Variants in RBFOX1 observed in about 807,000 individuals in gnomAD.
The protein encoded by RBFOX1 is RNA binding fox-1 homolog 1.
RBFOX1 carries 8 observed loss-of-function variants against 57.7 expected under a neutral mutation model. The observed-to-expected ratio is 0.14, with a 90% confidence interval of 0.08 to 0.25. The LOEUF (loss-of-function observed/expected upper bound fraction) is 0.25, where lower values mean the gene tolerates loss of function less well. Among genes scored for constraint, RBFOX1 ranks in the 10% least tolerant of loss-of-function variants. The pLI, the probability that RBFOX1 is intolerant of heterozygous loss-of-function variation, is 1.00. For synonymous variants in RBFOX1, 326 were observed against 222.4 expected (o/e 1.47, Z -4.15); for missense variants, 611 against 548.5 (o/e 1.11, Z -1.14).
intron 3 of RBFOX1, among the ~76,000 whole-genome samples, chr16:6,735,655 G>T (rs140071187): frequency 1.2e-4 from 19 of 152,146 alleles, no homozygotes; most frequent in Non-Finnish European, 2.8e-4. Flanking sequence ...AAATGTTTGG[G>T]TAACAATGCT....
chr16:6,812,436 C>T (rs1385896047), intron 3 of RBFOX1, among the ~76,000 whole-genome samples: 2 of 152,026 alleles, frequency 1.3e-5, no homozygotes, highest in African/African-American at 2.4e-5. Flanking sequence ...TGCAGTGGCC[C>T]GATCTCGGCT....
At position 6,427,349 on chromosome 16, in the gene RBFOX1, C is replaced by A. The variant is rs146017309; in HGVS notation, c.-64+110292C>A. On this transcript the variant is annotated intron_variant, in intron 2 of 15. Coordinates refer to ENST00000550418, the MANE Select transcript of RBFOX1 (RefSeq NM_018723.4). ...TCTCCTTGTCACTGAGAACTCCAGA[C>A]CCCAGTCTATAGGAAACGGTTCCCA... Among the ~76,000 whole-genome samples the A allele has an allele frequency of 3.0e-4, 45 of 152,232 alleles. No individual in the cohort carries two copies. The East Asian group carries it at 8.7e-3, about 29-fold the overall frequency.
intron 1 of RBFOX1, among the ~76,000 whole-genome samples, chr16:5,294,452 T>C (rs1261319683): frequency 6.6e-6 from 1 of 152,164 alleles, no homozygotes; most frequent in East Asian, 1.9e-4. Flanking sequence ...CCTATGCCTT[T>C]CTGCTTACCT....
intron 1 of RBFOX1, among the ~76,000 whole-genome samples, chr16:5,454,962 T>C (rs9940194): frequency 0.034 from 1,443 of 42,866 alleles, 5 homozygotes; most frequent in South Asian, 0.056. Flanking sequence ...TTCCTTCCTT[T>C]CTTTCTTTCT....
At chr16:7,105,466 A>T (rs1471883126) in intron 4 of RBFOX1, among the ~76,000 whole-genome samples, 2 of 152,080 alleles carry the variant, frequency 1.3e-5, no homozygotes, top group Admixed American at 1.3e-4. Context: ...GTAGTCTTTT[A>T]TCCCTTACTG....
intron 3 of RBFOX1, among the ~76,000 whole-genome samples, chr16:6,889,546 C>G (rs1473513): frequency 0.018 from 2,805 of 152,246 alleles, 46 homozygotes; most frequent in African/African-American, 0.024. Context: ...CTCACCCTGT[C>G]TTGAATGATG....
chr16:7,033,674 G>A (rs1460236111), intron 3 of RBFOX1, among the ~76,000 whole-genome samples: 1 of 152,138 alleles, frequency 6.6e-6, no homozygotes, highest in African/African-American at 2.4e-5. Flanking sequence ...AGGCTGGGAT[G>A]GGGCTTGGTT....
chr16:5,831,335 C>T (rs896886948), intron 3 of RBFOX1, among the ~76,000 whole-genome samples: 3 of 152,118 alleles, frequency 2.0e-5, no homozygotes, highest in African/African-American at 4.8e-5. Context: ...CTCTATCTTG[C>T]TCCTGCTCTG....
chr16:6,919,251 G>C (rs554322977), intron 3 of RBFOX1, among the ~76,000 whole-genome samples: 3 of 152,016 alleles, frequency 2.0e-5, no homozygotes, highest in South Asian at 2.1e-4. Context: ...CCAAAGTGCT[G>C]GGCTGGGATT....
chr16:5,638,214 G>A (rs1284479841), intron 3 of RBFOX1, among the ~76,000 whole-genome samples: 1 of 152,216 alleles, frequency 6.6e-6, no homozygotes. Flanking sequence ...GCTAAGAAGA[G>A]TGAGGTTTGG....
In RBFOX1 at chr16:6,714,635, G is replaced by C. The variant is rs372723589; in HGVS notation, c.-16+59985G>C. ...AAGAAGAAATGCAGGTATTGAAGAT[G>C]AACATATTACAGCCAGGTCCATGTG... On this transcript the variant is annotated intron_variant, in intron 3 of 15. Transcript: ENST00000550418. Among the ~76,000 whole-genome samples the C allele has an allele frequency of 5.3e-5, 8 of 152,202 alleles. 1 individual carries two copies. The highest frequency in any genetic ancestry group is 1.9e-4 in the African/African-American group (8 of 41,538).
At chr16:7,259,817 A>G (rs1381811143) in intron 4 of RBFOX1, among the ~76,000 whole-genome samples, 2 of 152,170 alleles carry the variant, frequency 1.3e-5, no homozygotes, top group Non-Finnish European at 2.9e-5. Flanking sequence ...TTTCTCCAGA[A>G]AGGATAATTT....
intron 3 of RBFOX1, among the ~76,000 whole-genome samples, chr16:6,695,982 C>G (rs767795033): frequency 2.0e-5 from 3 of 152,174 alleles, no homozygotes; most frequent in Non-Finnish European, 4.4e-5. Flanking sequence ...GATGTACAGA[C>G]ATACACACAC....
intron 4 of RBFOX1, among the ~76,000 whole-genome samples, chr16:7,146,268 C>G (rs866242519): frequency 6.6e-6 from 1 of 152,188 alleles, no homozygotes; most frequent in Non-Finnish European, 1.5e-5. Flanking sequence ...ATTGAAATTT[C>G]TAGTTTCTCT....
intron 3 of RBFOX1, among the ~76,000 whole-genome samples, chr16:6,959,350 G>C (rs2082479938): frequency 6.6e-6 from 1 of 152,110 alleles, no homozygotes; most frequent in South Asian, 2.1e-4. Flanking sequence ...CAATACATCT[G>C]ATAACCGTCA....
At chr16:6,409,421 A>T (rs1437646079) in intron 2 of RBFOX1, among the ~76,000 whole-genome samples, 2 of 152,242 alleles carry the variant, frequency 1.3e-5, no homozygotes, top group African/African-American at 4.8e-5. Flanking sequence ...TCTCAAAACA[A>T]AACAAAACAA....
intron 2 of RBFOX1, among the ~76,000 whole-genome samples, chr16:6,348,898 G>A (rs1035118245): frequency 1.3e-5 from 2 of 152,170 alleles, no homozygotes; most frequent in Non-Finnish European, 2.9e-5. Context: ...CCCAGGAAAA[G>A]CAGATTTCAG....
intron 4 of RBFOX1, among the ~76,000 whole-genome samples, chr16:7,265,155 A>G (rs1477552752): frequency 6.6e-6 from 1 of 152,224 alleles, no homozygotes; most frequent in Non-Finnish European, 1.5e-5. Flanking sequence ...TGCAGTGGTT[A>G]TCTTAGTCTA....
At chr16:6,008,222 A>C (rs1274311971) in intron 4 of RBFOX1, among the ~76,000 whole-genome samples, 1 of 117,330 alleles carries the variant, frequency 8.5e-6, no homozygotes, top group Non-Finnish European at 1.7e-5. Context: ...CACCCCCCAA[A>C]AAAAGGTAGT....
Sources: allele counts gnomAD v4.1 joint callset (sites outside exome capture counted in the v4.1 genomes callset), GRCh38; gene constraint gnomAD v4.1.1; transcripts MANE v1.5; gene names NCBI Gene and HGNC (gene_info 2026-07-23, HGNC 2026-07-21).